Variants in CNTN4 observed in about 807,000 individuals in gnomAD.
CNTN4 encodes the protein contactin 4.
In CNTN4, 77 loss-of-function variants were observed where a neutral mutation model predicts 122.5. The ratio of observed to expected loss-of-function variants is 0.63; its 90% CI spans 0.52 to 0.76. The LOEUF (loss-of-function observed/expected upper bound fraction) is 0.76, where lower values mean the gene tolerates loss of function less well. Among genes scored for constraint, CNTN4 ranks in the 30% least tolerant of loss-of-function variants. The pLI is 0.00. For synonymous variants in CNTN4, 512 were observed against 447.0 expected (o/e 1.15, Z -1.83); for missense variants, 1,256 against 1,259.1 (o/e 1.00, Z 0.04).
At chr3:2,410,990 A>G (rs758832475) in intron 3 of CNTN4, among the ~76,000 whole-genome samples, 3 of 152,232 alleles carry the variant, frequency 2.0e-5, no homozygotes, top group Non-Finnish European at 4.4e-5. Context: ...GCACCAGCCA[A>G]CAAATACAGA....
chr3:2,267,710 C>T (rs1178014939), intron 2 of CNTN4, among the ~76,000 whole-genome samples: 3 of 151,990 alleles, frequency 2.0e-5, no homozygotes, highest in African/African-American at 7.2e-5. Flanking sequence ...TACTTGAAAA[C>T]ACCCATTGCT....
At chr3:2,581,006 A>C (rs971711251) in intron 4 of CNTN4, among the ~76,000 whole-genome samples, 3 of 152,152 alleles carry the variant, frequency 2.0e-5, no homozygotes, top group African/African-American at 7.2e-5. Flanking sequence ...TGTCTTCATA[A>C]AGCTTACCAT....
At chr3:2,883,718 G>C (rs1187299081) in intron 9 of CNTN4, among the ~76,000 whole-genome samples, 1 of 152,092 alleles carries the variant, frequency 6.6e-6, no homozygotes. Flanking sequence ...TTCTCCTCTG[G>C]CTAGAGATAG....
intron 13 of CNTN4, among the ~76,000 whole-genome samples, chr3:2,983,997 C>G (rs1694312979): frequency 6.6e-6 from 1 of 152,188 alleles, no homozygotes. Context: ...TTACTTACCT[C>G]TTTGCAAATA....
At chr3:2,669,730 A>G (rs2084389542) in intron 4 of CNTN4, among the ~76,000 whole-genome samples, 2 of 152,090 alleles carry the variant, frequency 1.3e-5, no homozygotes. Flanking sequence ...GTGGGCATTT[A>G]GTGCTATAAA....
intron 3 of CNTN4, among the ~76,000 whole-genome samples, chr3:2,498,768 C>T (rs990960912): frequency 6.6e-6 from 1 of 151,988 alleles, no homozygotes; most frequent in African/African-American, 2.4e-5. Flanking sequence ...ATGTGTGAGC[C>T]ACTGCAATTT....
At chr3:3,041,178 G>C (rs1700132164) in intron 20 of CNTN4, 1 of 152,182 alleles carries the variant, frequency 6.6e-6, no homozygotes, top group Non-Finnish European at 1.5e-5. Context: ...CATTGATTTA[G>C]AGTCAGTGAA....
chr3:2,826,975 G>C (rs1389878761), intron 7 of CNTN4, among the ~76,000 whole-genome samples: 1 of 152,164 alleles, frequency 6.6e-6, no homozygotes, highest in African/African-American at 2.4e-5. Context: ...AAAGGCGCAT[G>C]AAATCCCATT....
At chr3:2,373,369 T>C (rs1227158833) in intron 3 of CNTN4, among the ~76,000 whole-genome samples, 1 of 152,238 alleles carries the variant, frequency 6.6e-6, no homozygotes, top group Non-Finnish European at 1.5e-5. Flanking sequence ...AAGGGAGGAC[T>C]GCTTTTCTGT....
intron 2 of CNTN4, among the ~76,000 whole-genome samples, chr3:2,248,947 C>T (rs897692178): frequency 6.6e-6 from 1 of 151,818 alleles, no homozygotes; most frequent in African/African-American, 2.4e-5. Context: ...TTCCCTCGTA[C>T]CCTCCAAACG....
chr3:2,152,811 G>A (rs1221942034), intron 2 of CNTN4, among the ~76,000 whole-genome samples: 2 of 152,078 alleles, frequency 1.3e-5, no homozygotes, highest in African/African-American at 2.4e-5. Flanking sequence ...AGCAGGGTAC[G>A]GAAATGTACT....
chr3:2,209,535 C>T (rs2038513323), intron 2 of CNTN4, among the ~76,000 whole-genome samples: 1 of 151,958 alleles, frequency 6.6e-6, no homozygotes, highest in Non-Finnish European at 1.5e-5. Flanking sequence ...AAAAAAGGTC[C>T]CTGTTTTTTA....
intron 4 of CNTN4, among the ~76,000 whole-genome samples, chr3:2,715,303 A>G (rs967086640): frequency 1.3e-5 from 2 of 152,232 alleles, no homozygotes; most frequent in African/African-American, 4.8e-5. Context: ...AAAGGAAAGT[A>G]AAAGCCAGGA....
At chr3:2,910,158 T>C (rs1030060345) in intron 12 of CNTN4, among the ~76,000 whole-genome samples, 4 of 152,232 alleles carry the variant, frequency 2.6e-5, no homozygotes, top group Non-Finnish European at 5.9e-5. Flanking sequence ...AAGTGCTGCA[T>C]GGCATGACTC....
chr3:3,046,657 C>T (rs1219940088), intron 23 of CNTN4, among the ~76,000 whole-genome samples: 8 of 152,146 alleles, frequency 5.3e-5, no homozygotes, highest in Non-Finnish European at 1.0e-4. Flanking sequence ...ACAGCCAGTA[C>T]CAGCCTCTGC....
chr3:2,760,153 C>G (rs1177470921), intron 6 of CNTN4, among the ~76,000 whole-genome samples: 1 of 151,978 alleles, frequency 6.6e-6, no homozygotes, highest in African/African-American at 2.4e-5. Context: ...TTGATGGTGT[C>G]CTTTGAAGCA....
intron 5 of CNTN4, among the ~76,000 whole-genome samples, chr3:2,741,231 GA>G (rs1283061183): frequency 2.0e-5 from 3 of 152,206 alleles, no homozygotes; most frequent in Non-Finnish European, 4.4e-5. Flanking sequence ...AGTTGGAGTA[GA>G]ATGATGTAAC....
At chr3:2,202,873 G>T (rs1423981764) in intron 2 of CNTN4, among the ~76,000 whole-genome samples, 1 of 151,836 alleles carries the variant, frequency 6.6e-6, no homozygotes, top group Non-Finnish European at 1.5e-5. Flanking sequence ...ACCCAGGCTG[G>T]AGTGCAGTGG....
At chr3:2,563,116 A>C (rs1379803272) in intron 3 of CNTN4, among the ~76,000 whole-genome samples, 1 of 150,410 alleles carries the variant, frequency 6.6e-6, no homozygotes, top group Non-Finnish European at 1.5e-5. Context: ...AAATCTCCAA[A>C]CTGCTTTCCA....
Sources: allele counts gnomAD v4.1 joint callset (sites outside exome capture counted in the v4.1 genomes callset), GRCh38; gene constraint gnomAD v4.1.1; transcripts MANE v1.5; gene names NCBI Gene and HGNC (gene_info 2026-07-23, HGNC 2026-07-21).